ZNF106: variants seen among roughly 807,000 people sequenced by gnomAD.
The protein encoded by ZNF106 is SH3-domain binding protein 3.
A neutral mutation model predicts 195.1 loss-of-function variants in ZNF106; 67 were observed. The ratio of observed to expected loss-of-function variants is 0.34; its 90% CI spans 0.28 to 0.42. The LOEUF (loss-of-function observed/expected upper bound fraction) is 0.42, where lower values mean the gene tolerates loss of function less well. Among genes scored for constraint, ZNF106 ranks in the 10% least tolerant of loss-of-function variants. ZNF106 has a pLI of 1.00. For synonymous variants in ZNF106, 784 were observed against 818.6 expected, an observed-to-expected ratio of 0.96 and a Z score of 0.72; for missense variants, 2,118 against 2,304.5, an observed-to-expected ratio of 0.92 and a Z score of 1.66.
chr15:42,437,407 T>C, intron 12 of ZNF106, 30 bp from the exon 13 acceptor site: 1 of 1,611,096 alleles, frequency 6.2e-7, no homozygotes, highest in Non-Finnish European at 8.5e-7. Flanking sequence ...TTCAGAGACA[T>C]GTCTGCTAGA....
chr15:42,425,684 A>G (rs2054827980), intron 15 of ZNF106: 1 of 152,120 alleles, frequency 6.6e-6, no homozygotes, highest in South Asian at 2.1e-4. Flanking sequence ...GTATTTTTGT[A>G]AAGACAGGGT....
chr15:42,458,322 A>G (rs2056297916), intron 3 of ZNF106, among the ~76,000 whole-genome samples: 1 of 152,088 alleles, frequency 6.6e-6, no homozygotes, highest in South Asian at 2.1e-4. Flanking sequence ...GGCAGAATTT[A>G]CATCAACCAG....
Position 42,433,655 on chromosome 15 carries a change from A to G in ZNF106, c.4881+1729T>C, listed in dbSNP as rs1015243499. 4.0e-5 allele frequency among the ~76,000 whole-genome samples: 6 copies of G among 148,806 alleles called. 1 individual carries two copies. The highest frequency in any genetic ancestry group is 4.0e-4 in the East Asian group (2 of 4,972). ...GCGTCACCACACCCGACTAATTTTC[A>G]TATTTTTAGTAGAGACAGGGTTTCA... is the stretch of plus-strand genomic sequence containing the variant. On this transcript the variant is annotated intron_variant, in intron 14 of 21. Coordinates refer to ENST00000564754, the MANE Select transcript of ZNF106 (RefSeq NM_001366845.3).
At chr15:42,420,616 T>C (rs2054621218) in intron 20 of ZNF106, among the ~76,000 whole-genome samples, 2 of 151,978 alleles carry the variant, frequency 1.3e-5, no homozygotes, top group Admixed American at 1.3e-4. Context: ...TTATAAGAAA[T>C]AGTGTGAAAA....
In ZNF106 at chr15:42,444,239, C is replaced by G. The variant is rs773224474; in HGVS notation, c.3384G>C (p.Leu1128=). The G allele has an allele frequency of 6.2e-7, 1 of 1,610,404 alleles. No homozygotes were observed. Among genetic ancestry groups the G allele is most frequent in the Non-Finnish European group, 8.5e-7 (1 of 1,178,060 alleles). The change falls in exon 9 of 22, where the codon CTG becomes CTC. Residue 1128 remains leucine (L), a synonymous_variant. Coordinates refer to ENST00000564754, the MANE Select transcript of ZNF106 (RefSeq NM_001366845.3). ...KQQITMEMSA[L]RTHRIQILQG... ...GTAGAATCTGTATTCTATGGGTCCT[C>G]AGTGCACTCATCTCCATAGTTATCT... is the stretch of plus-strand genomic sequence containing the variant.
At chr15:42,424,700 G>A (rs112898001) in intron 16 of ZNF106, 134 bp downstream of exon 16, 66,303 of 870,550 alleles carry the variant, frequency 0.076, 3,221 homozygotes, top group South Asian at 0.17. Flanking sequence ...GGCTGGTCTC[G>A]AACTTCTGAG....
At position 42,421,957 on chromosome 15, in the gene ZNF106, T is replaced by G; in HGVS notation, c.5405A>C (p.His1802Pro). Reference sequence around the variant, plus strand: ...GGTCATACACATAATCATGTCTTTGTGTCCTCCATAAACTTGTAATCGATC... The same window carrying G: ...GGTCATACACATAATCATGTCTTTGGGTCCTCCATAAACTTGTAATCGATC... The part of the protein sequence containing the change: ...SHDRLQVYGG[H>P]KDMIMCMTIH... The change falls in exon 19 of 22, where the codon CAC becomes CCC. Residue 1802 changes from histidine to proline, a missense_variant. By Grantham distance (77) the His-to-Pro change is moderately conservative. Transcript: ENST00000564754. The G allele has an allele frequency of 6.3e-7, 1 of 1,587,938 alleles. No homozygotes were observed. Among genetic ancestry groups the G allele is most frequent in the Non-Finnish European group, 8.6e-7 (1 of 1,165,458 alleles).
rs1176422885 is a variant in ZNF106 at position 42,437,313 on chromosome 15, A to G, written c.4665T>C (p.Ala1555=). 3.1e-6 allele frequency: 5 copies of G among 1,614,074 alleles called. No individual in the cohort carries two copies. Among genetic ancestry groups the G allele is most frequent in the African/African-American group, 1.3e-5 (1 of 74,940 alleles). The change falls in exon 13 of 22, where the codon GCT becomes GCC. Residue 1555 remains alanine, a synonymous_variant. Coordinates refer to ENST00000564754, the MANE Select transcript of ZNF106 (RefSeq NM_001366845.3). ...CAAATATCTGAATTGCATTTACGGC[A>G]GCTTGGTGTCCCTCAAAGCTTCCTT... ...PTEGSFEGHQ[A]AVNAIQIFGN...
chr15:42,443,985 C>T (rs2055661331), intron 9 of ZNF106, among the ~76,000 whole-genome samples: 1 of 151,474 alleles, frequency 6.6e-6, no homozygotes, highest in Non-Finnish European at 1.5e-5. Flanking sequence ...GTGGGGTGGG[C>T]ACCTGTAATT....
At chr15:42,438,275 C>T (rs1156386811) in intron 12 of ZNF106, among the ~76,000 whole-genome samples, 1 of 152,160 alleles carries the variant, frequency 6.6e-6, no homozygotes, top group Non-Finnish European at 1.5e-5. Context: ...CCTGTGGTCC[C>T]AGCTATTTGG....
In ZNF106 at chr15:42,451,408, C is replaced by T. The variant is rs924498145; in HGVS notation, c.864G>A (p.Lys288=). 1.9e-6 allele frequency: 3 copies of T among 1,614,086 alleles called. No homozygotes were observed. The highest frequency in any genetic ancestry group is 2.5e-6 in the Non-Finnish European group (3 of 1,180,054). ...QMEDMTMLWN[K]KSNKSNKYSH... ...TGTATTTGTTTGACTTATTAGATTT[C>T]TTGTTCCATAGCATAGTCATGTCTT... The change falls in exon 5 of 22, where the codon AAG becomes AAA. Residue 288 remains lysine, a synonymous_variant. Coordinates refer to ENST00000564754, the MANE Select transcript of ZNF106 (RefSeq NM_001366845.3).
intron 20 of ZNF106, among the ~76,000 whole-genome samples, chr15:42,420,461 G>A (rs1429710469): frequency 1.3e-5 from 2 of 152,114 alleles, no homozygotes; most frequent in East Asian, 1.9e-4. Flanking sequence ...TATGTAAAGA[G>A]CTAAAAAGTC....
Position 42,451,780 on chromosome 15 carries a change from A to G in ZNF106, c.492T>C (p.Asn164=). ...DWKWEKDGFN[N]TRKNSFPHSL... Reference sequence around the variant, plus strand: ...AATGTGGAAAGCTGTTTTTCCTAGTATTATTAAAGCCATCTTTTTCCCATT... The same window carrying G: ...AATGTGGAAAGCTGTTTTTCCTAGTGTTATTAAAGCCATCTTTTTCCCATT... The change falls in exon 5 of 22, where the codon AAT becomes AAC. Residue 164 remains asparagine (N), a synonymous_variant. Coordinates refer to ENST00000564754, the MANE Select transcript of ZNF106 (RefSeq NM_001366845.3). 6.2e-7 allele frequency: 1 copy of G among 1,614,186 alleles called. No homozygotes were observed.
intron 4 of ZNF106, among the ~76,000 whole-genome samples, chr15:42,456,023 G>A (rs1294822873): frequency 1.3e-5 from 2 of 152,232 alleles, no homozygotes; most frequent in African/African-American, 4.8e-5. Context: ...AAATTATGCA[G>A]TACAAATTAG....
At chr15:42,435,360 T>G in intron 14 of ZNF106, 24 bp downstream of exon 14, 1 of 1,613,966 alleles carries the variant, frequency 6.2e-7, no homozygotes, top group Non-Finnish European at 8.5e-7. Flanking sequence ...ATGAACCACT[T>G]TGGATTTCTC....
At chr15:42,480,874 A>G (rs1348461019) in intron 1 of ZNF106, among the ~76,000 whole-genome samples, 2 of 152,256 alleles carry the variant, frequency 1.3e-5, no homozygotes, top group South Asian at 4.1e-4. Context: ...ACTCCCAGCT[A>G]CTTGGGAGGC....
Position 42,413,964 on chromosome 15 carries a change from T to C in ZNF106, c.*3340A>G, listed in dbSNP as rs1289997754. On this transcript the variant is annotated 3_prime_UTR_variant, in exon 22 of 22. Transcript: ENST00000564754. Reference sequence around the variant, plus strand: ...AGAAAACTTGAAGTGACTGATACTTTATCACAACGAACTGCCATTTAAACA... The same window carrying C: ...AGAAAACTTGAAGTGACTGATACTTCATCACAACGAACTGCCATTTAAACA... 6.6e-6 allele frequency: 1 copy of C among 152,228 alleles called. No individual in the cohort carries two copies. Among genetic ancestry groups the C allele is most frequent in the Admixed American group, 6.5e-5 (1 of 15,280 alleles). 9.4% of individuals were successfully genotyped at this position (152,228 alleles called of 1,614,324 possible).
chr15:42,438,400 A>G (rs2055367385), intron 12 of ZNF106, among the ~76,000 whole-genome samples: 2 of 152,180 alleles, frequency 1.3e-5, no homozygotes, highest in African/African-American at 2.4e-5. Flanking sequence ...CAACCAGTCA[A>G]TCAATCAGAT....
At chr15:42,466,239 T>G (rs2056514448) in intron 2 of ZNF106, 125 bp from the exon 3 acceptor site, 2 of 560,430 alleles carry the variant, frequency 3.6e-6, no homozygotes, top group Non-Finnish European at 5.8e-6. Flanking sequence ...TTTTTGGTTA[T>G]TCTCAATTTA....
Sources: gnomAD v4.1 joint callset for allele counts (sites outside exome capture counted in the v4.1 genomes callset) on GRCh38, gnomAD v4.1.1 for gene constraint, MANE v1.5 for transcripts, NCBI Gene and HGNC (gene_info 2026-07-23, HGNC 2026-07-21) for gene names.